The following GCN1 variants were observed in gnomAD, a reference collection of about 807,000 sequenced individuals.
The protein encoded by GCN1 is GCN1 activator of EIF2AK4.
Under a neutral mutation model 288.4 loss-of-function variants are expected in GCN1, and 90 were observed. That is an observed-to-expected ratio of 0.31 (90% CI 0.26 to 0.37). The LOEUF is 0.37. Among genes scored for constraint, GCN1 ranks in the 10% least tolerant of loss-of-function variants. The pLI is 1.00. For missense variants in GCN1, 2,586 were observed against 3,419.9 expected, an observed-to-expected ratio of 0.76 and a Z score of 6.08; for synonymous variants, 1,386 against 1,420.2, an observed-to-expected ratio of 0.98 and a Z score of 0.54.
intron 37 of GCN1, 108 bp downstream of exon 37, chr12:120,148,059 T>G: frequency 1.3e-6 from 1 of 749,438 alleles, no homozygotes; most frequent in South Asian, 1.8e-5. Flanking sequence ...AACATATTTG[T>G]CCTCGGAGGC....
intron 42 of GCN1, among the ~76,000 whole-genome samples, chr12:120,143,812 A>G (rs1877274621): frequency 6.6e-6 from 1 of 152,230 alleles, no homozygotes; most frequent in Non-Finnish European, 1.5e-5. Flanking sequence ...CTGTATAGAG[A>G]GGACTTTTTA....
Position 120,155,238 on chromosome 12 carries a change from C to G in GCN1, c.3630+3G>C. 6.2e-7 allele frequency: 1 copy of G among 1,614,032 alleles called. No homozygotes were observed. The highest frequency in any genetic ancestry group is 8.5e-7 in the Non-Finnish European group (1 of 1,179,898). On this transcript the variant is annotated splice_donor_region_variant and intron_variant, in intron 30 of 57. Coordinates refer to ENST00000300648, the MANE Select transcript of GCN1 (RefSeq NM_006836.2). The surrounding 1 kb of genome is among the most constrained non-coding windows in gnomAD (Gnocchi z 4.9). ...CTGCATCAGGGCTGCACAGGTCACTCACGTAGAGCTTTTCCTGGTAAATCT... is the reference window on the plus strand; with the variant it reads ...CTGCATCAGGGCTGCACAGGTCACTGACGTAGAGCTTTTCCTGGTAAATCT...
At chr12:120,165,911 C>A (rs1594278701) in intron 16 of GCN1, among the ~76,000 whole-genome samples, 1 of 152,028 alleles carries the variant, frequency 6.6e-6, no homozygotes, top group South Asian at 2.1e-4. Context: ...CCTGCCTCAG[C>A]CTCCCGAGTA....
Position 120,160,187 on chromosome 12 carries a change from C to A in GCN1, c.2505G>T (p.Gln835His), listed in dbSNP as rs865862017. ...CCTGCGCCTCCCTGTCTAGCTGGGC[C>A]TGCAGCATCTCCTTCTGCTTGCTGG... ...QLTSKQKEML[Q>H]AQLDREAQVR... Residue 835 changes from glutamine to histidine, a missense_variant, in exon 23 of 58, where the codon CAG (glutamine) becomes CAT (histidine). This residue lies in a region of GCN1 where 913 missense variants were observed against 1,107.0 expected (regional missense o/e 0.82). Transcript: ENST00000300648. 2 of 1,612,372 alleles carry A rather than the reference C, an allele frequency of 1.2e-6. No individual in the cohort carries two copies. The highest frequency in any genetic ancestry group is 3.3e-4 in the Middle Eastern group (2 of 6,062).
chr12:120,191,548 C>G (rs562661419), intron 1 of GCN1, among the ~76,000 whole-genome samples: 9 of 152,278 alleles, frequency 5.9e-5, no homozygotes, highest in African/African-American at 1.9e-4. Context: ...CAGGCCTTAT[C>G]AGTAGCGTAA....
Position 120,177,426 on chromosome 12 carries a change from T to C in GCN1, c.838+21A>G, listed in dbSNP as rs368349101. Reference sequence around the variant, plus strand: ...TAGGCAACTCATCTCCCTCCCACCATCCTGGTTGACAGCAACCTACTTTCA... The same window carrying C: ...TAGGCAACTCATCTCCCTCCCACCACCCTGGTTGACAGCAACCTACTTTCA... On this transcript the variant is annotated intron_variant, in intron 9 of 57. Transcript: ENST00000300648. 13 of 1,244,864 alleles carry C rather than the reference T, an allele frequency of 1.0e-5. No individual in the cohort carries two copies. In the African/African-American group the frequency reaches 1.8e-4, roughly 17 times the overall value. 77.1% of individuals were successfully genotyped at this position (1,244,864 alleles called of 1,614,324 possible).
chr12:120,154,087 C>A (rs1441554468), intron 31 of GCN1, among the ~76,000 whole-genome samples, 178 bp from the exon 32 acceptor site: 1 of 152,242 alleles, frequency 6.6e-6, no homozygotes, highest in African/African-American at 2.4e-5. Context: ...GAACAACCCA[C>A]TTGTCATATG....
intron 17 of GCN1, 61 bp downstream of exon 17, chr12:120,164,585 G>T: frequency 1.3e-6 from 2 of 1,596,618 alleles, no homozygotes; most frequent in Non-Finnish European, 1.7e-6. Context: ...ACCCTTTCTC[G>T]GGTTCCTGCC....
intron 53 of GCN1, among the ~76,000 whole-genome samples, chr12:120,133,824 C>T (rs1423950892): frequency 6.6e-6 from 1 of 152,178 alleles, no homozygotes; most frequent in East Asian, 1.9e-4. Flanking sequence ...AATCCCAGCA[C>T]TTTCGGAGCC....
intron 13 of GCN1, 92 bp from the exon 14 acceptor site, chr12:120,173,918 C>A: frequency 8.7e-7 from 1 of 1,149,608 alleles, no homozygotes; most frequent in Non-Finnish European, 1.3e-6. Flanking sequence ...AGAGTACAAG[C>A]GGGAGGAAGC....
At chr12:120,173,919 G>A (rs906124752) in intron 13 of GCN1, 93 bp from the exon 14 acceptor site, 32 of 1,150,398 alleles carry the variant, frequency 2.8e-5, no homozygotes, top group African/African-American at 1.4e-4. Flanking sequence ...GAGTACAAGC[G>A]GGAGGAAGCA....
In GCN1 at chr12:120,183,626, C is replaced by T. The variant is rs369313429; in HGVS notation, c.369G>A (p.Leu123=). The change falls in exon 5 of 58, where the codon CTG becomes CTA. Residue 123 remains leucine, a synonymous_variant. Transcript: ENST00000300648. The stretch of plus-strand genomic sequence containing the variant: ...CTCTCGATGGAAAGACAATGCGCAC[C>T]AGGAGGCAGGTCCAGGTCAAGGCCA... The part of the protein sequence containing the change: ...ALLALTWTCL[L]VRIVFPSRAK... 1 of 1,613,856 alleles carries T rather than the reference C, an allele frequency of 6.2e-7. No homozygotes were observed. Among genetic ancestry groups the T allele is most frequent in the Non-Finnish European group, 8.5e-7 (1 of 1,179,848 alleles).
chr12:120,148,436 C>T lies in GCN1; in HGVS notation c.4547-90G>A, dbSNP rs1373707869. The stretch of plus-strand genomic sequence containing the variant: ...TGGCTACATGAGCAAGGGACATCTA[C>T]CCTGGCCCCTGCAGACGGTGCTCAA... On this transcript the variant is annotated intron_variant, in intron 36 of 57. Coordinates refer to ENST00000300648, the MANE Select transcript of GCN1 (RefSeq NM_006836.2). 7 of 1,044,968 alleles carry T rather than the reference C, an allele frequency of 6.7e-6. No individual in the cohort carries two copies. The African/African-American group carries it at 1.1e-4, about 17-fold the overall frequency. 64.7% of individuals were successfully genotyped at this position (1,044,968 alleles called of 1,614,324 possible).
chr12:120,169,540 G>A (rs1878251652), intron 15 of GCN1, among the ~76,000 whole-genome samples: 4 of 152,000 alleles, frequency 2.6e-5, no homozygotes, highest in Admixed American at 2.6e-4. Flanking sequence ...GTCTCACTGT[G>A]CCACCCAGGC....
At chr12:120,157,105 C>T (rs774142134) in intron 26 of GCN1, 113 bp from the exon 27 acceptor site, 19 of 682,498 alleles carry the variant, frequency 2.8e-5, no homozygotes, top group African/African-American at 5.3e-5. Context: ...ATCATACAAC[C>T]GGCCCCACCA....
At chr12:120,190,685 T>C (rs959846829) in intron 1 of GCN1, among the ~76,000 whole-genome samples, 11 of 152,156 alleles carry the variant, frequency 7.2e-5, no homozygotes, top group African/African-American at 2.7e-4. Flanking sequence ...CCACTTGAGA[T>C]GTACTGCTTT....
chr12:120,146,465 A>G (rs1161594856), intron 38 of GCN1, among the ~76,000 whole-genome samples: 2 of 151,982 alleles, frequency 1.3e-5, no homozygotes, highest in African/African-American at 4.8e-5. Flanking sequence ...TCCTGGGCTC[A>G]AGCTATCCTC....
At chr12:120,174,220 G>T in intron 12 of GCN1, 51 bp from the exon 13 acceptor site, 2 of 1,069,720 alleles carry the variant, frequency 1.9e-6, no homozygotes, top group Non-Finnish European at 2.9e-6. Flanking sequence ...AACCACAGAG[G>T]CAAGTCTTCC....
At chr12:120,162,415 G>A (rs1030369075) in intron 20 of GCN1, among the ~76,000 whole-genome samples, 1 of 152,196 alleles carries the variant, frequency 6.6e-6, no homozygotes, top group Admixed American at 6.5e-5. Context: ...GGGTCAAAGC[G>A]ACCCCAAGCC....
Sources: allele counts gnomAD v4.1 joint callset (sites outside exome capture counted in the v4.1 genomes callset), GRCh38; gene constraint gnomAD v4.1.1; regional missense constraint gnomAD v4.1.1; non-coding constraint Gnocchi (gnomAD v3.1); transcripts MANE v1.5; gene names NCBI Gene and HGNC (gene_info 2026-07-23, HGNC 2026-07-21).